PHC2: variants seen among roughly 807,000 people sequenced by gnomAD.
PHC2 encodes polyhomeotic homolog 2.
A neutral mutation model predicts 87.4 loss-of-function variants in PHC2; 29 were observed. The observed-to-expected ratio is 0.33, with a 90% CI of 0.25 to 0.45. The LOEUF (loss-of-function observed/expected upper bound fraction) is 0.45, where lower values mean the gene tolerates loss of function less well. PHC2 is among the 20% of genes least tolerant of loss of function. The pLI is 1.00. For synonymous variants in PHC2, 438 were observed against 461.7 expected (o/e 0.95, Z 0.66); for missense variants, 857 against 1,136.7 (o/e 0.75, Z 3.54).
chr1:33,347,031 T>C, intron 9 of PHC2: 3 of 985,328 alleles, frequency 3.0e-6, no homozygotes, highest in Non-Finnish European at 3.6e-6. Context: ...TAACATGCCC[T>C]CTCCCCCTGA....
intron 1 of PHC2, among the ~76,000 whole-genome samples, chr1:33,375,864 G>C (rs1213165640): frequency 1.3e-5 from 2 of 152,186 alleles, no homozygotes; most frequent in African/African-American, 2.4e-5. Context: ...GTATATAGGA[G>C]GATGTGGGTC....
Position 33,331,806 on chromosome 1 carries a change from C to A in PHC2, c.1892-344G>T, listed in dbSNP as rs1220414497. The A allele has an allele frequency of 2.7e-5, 8 of 295,500 alleles. No homozygotes were observed. The highest frequency in any genetic ancestry group is 5.1e-5 in the Non-Finnish European group (8 of 157,356). 18.3% of individuals were successfully genotyped at this position (295,500 alleles called of 1,614,324 possible). A position where few individuals can be genotyped will look rare whatever the true frequency, so the allele number is the denominator to read the frequency against. On this transcript the variant is annotated intron_variant, in intron 11 of 14. Transcript: ENST00000683057. This position sits in a 1 kb window ranked among gnomAD's most constrained non-coding sequence, Gnocchi z 5.2. ...GCTGTCACAGCTGCTCCGCTGGCAT[C>A]ATCACACCTTGATCTATGCAGCTGG...
At chr1:33,354,309 C>A in intron 9 of PHC2, 92 bp downstream of exon 9, 1 of 1,220,014 alleles carries the variant, frequency 8.2e-7, no homozygotes, top group South Asian at 1.4e-5. Context: ...ATAGTTTACC[C>A]TCCCATTCCA....
intron 9 of PHC2, among the ~76,000 whole-genome samples, chr1:33,352,542 A>G (rs1193525447): frequency 2.6e-5 from 4 of 152,236 alleles, no homozygotes; most frequent in Non-Finnish European, 5.9e-5. Flanking sequence ...GCTAGGCTGG[A>G]ACTATGGGCT....
At chr1:33,430,882 C>CA (rs1004391973) in intron 1 of PHC2, 94 bp downstream of exon 1, 3 of 150,500 alleles carry the variant, frequency 2.0e-5, no homozygotes, top group Non-Finnish European at 4.4e-5. Flanking sequence ...GCTGGGTGCC[C>CA]AAAGGGTTAA....
At chr1:33,345,930 T>C (rs1316248978) in intron 9 of PHC2, 2 of 985,004 alleles carry the variant, frequency 2.0e-6, no homozygotes, top group Non-Finnish European at 2.4e-6. Flanking sequence ...CTACCTCTGT[T>C]TGAGTTGTGA....
Position 33,332,408 on chromosome 1 carries a change from G to C in PHC2, c.1762-4C>G, listed in dbSNP as rs768041909. On this transcript the variant is annotated splice_polypyrimidine_tract_variant and splice_region_variant and intron_variant, in intron 10 of 14. Transcript: ENST00000683057. The surrounding 1 kb of genome is among the most constrained non-coding windows in gnomAD (Gnocchi z 4.2). ...CCAGCAGGGACGAGCGTCCCACCTA[G>C]AGGACAGGTAACACGGAGGCCGTGA... 1 of 1,614,136 alleles carries C rather than the reference G, an allele frequency of 6.2e-7. No homozygotes were observed. Among genetic ancestry groups the C allele is most frequent in the African/African-American group, 1.3e-5 (1 of 75,044 alleles).
At chr1:33,407,312 G>C (rs1360975476) in intron 1 of PHC2, among the ~76,000 whole-genome samples, 1 of 152,106 alleles carries the variant, frequency 6.6e-6, no homozygotes, top group Non-Finnish European at 1.5e-5. Context: ...CTGTGAAAGT[G>C]TTATCTTTGA....
chr1:33,390,459 C>CA (rs1313129458), intron 1 of PHC2, among the ~76,000 whole-genome samples: 2 of 152,164 alleles, frequency 1.3e-5, no homozygotes, highest in African/African-American at 4.8e-5. Context: ...ATGGATAGGA[C>CA]AGCCACAAAG....
chr1:33,380,703 G>A (rs555781877), intron 1 of PHC2, among the ~76,000 whole-genome samples: 5 of 152,162 alleles, frequency 3.3e-5, no homozygotes, highest in Non-Finnish European at 7.3e-5. Context: ...AAATCTCTGG[G>A]TCATATGTTA....
intron 7 of PHC2, among the ~76,000 whole-genome samples, chr1:33,356,859 C>A (rs1647098314): frequency 6.6e-6 from 1 of 152,160 alleles, no homozygotes; most frequent in Admixed American, 6.5e-5. Context: ...ACTTCCCAGA[C>A]AGGGCGGCCA....
chr1:33,334,056 T>C lies in PHC2; in HGVS notation c.1761+34A>G. The C allele has an allele frequency of 6.4e-7, 1 of 1,550,914 alleles. No homozygotes were observed. The highest frequency in any genetic ancestry group is 8.8e-7 in the Non-Finnish European group (1 of 1,141,624). On this transcript the variant is annotated intron_variant, in intron 10 of 14. Coordinates refer to ENST00000683057, the MANE Select transcript of PHC2 (RefSeq NM_001385109.1). The surrounding 1 kb of genome is among the most constrained non-coding windows in gnomAD (Gnocchi z 5.5). ...ATTCTAAGACACATCCAAAATATAC[T>C]TAAAAAAAAAAGGGGAAAAGAAGTA...
Position 33,328,987 on chromosome 1 carries a change from G to C in PHC2, c.2308C>G (p.Leu770Val), listed in dbSNP as rs762240475. 1 of 1,614,128 alleles carries C rather than the reference G, an allele frequency of 6.2e-7. No homozygotes were observed. ...TSRRRQGQRDLELPDMHMRDL... is the reference protein window; with the variant it reads ...TSRRRQGQRDVELPDMHMRDL... ...CGCATATGCATGTCGGGGAGCTCCA[G>C]GTCCCGCTGGCCTTGTCGCCGGCGG... The change falls in exon 14 of 15, where the codon CTG becomes GTG. Residue 770 changes from leucine (L) to valine (V), a missense_variant. By Grantham distance (32) the Leu-to-Val change is conservative. This residue lies in a region of PHC2 where 832 missense variants were observed against 1,081.8 expected (regional missense o/e 0.77). Transcript: ENST00000683057.
At chr1:33,379,821 CCTT>C (rs1214315474) in intron 1 of PHC2, among the ~76,000 whole-genome samples, 9 of 147,254 alleles carry the variant, frequency 6.1e-5, no homozygotes, top group South Asian at 2.2e-4. Context: ...CCCTACTCGA[CCTT>C]CTTGCTGCCT....
chr1:33,331,970 G>A lies in PHC2; in HGVS notation c.1891+305C>T, dbSNP rs1646508554. ...GCCCCAGTCTCAAGGCAGGGACGAA[G>A]GGCAGGACTTGCCTGGGGCCACTCC... On this transcript the variant is annotated intron_variant, in intron 11 of 14. Coordinates refer to ENST00000683057, the MANE Select transcript of PHC2 (RefSeq NM_001385109.1). This position sits in a 1 kb window ranked among gnomAD's most constrained non-coding sequence, Gnocchi z 5.2. 6.6e-6 allele frequency among the ~76,000 whole-genome samples: 1 copy of A among 152,208 alleles called. No individual in the cohort carries two copies. Among genetic ancestry groups the A allele is most frequent in the Non-Finnish European group, 1.5e-5 (1 of 68,038 alleles).
At chr1:33,357,720 T>C (rs926654342) in intron 7 of PHC2, among the ~76,000 whole-genome samples, 1 of 152,204 alleles carries the variant, frequency 6.6e-6, no homozygotes. Flanking sequence ...TCAGGCACTT[T>C]TGAGAAGACT....
chr1:33,383,452 ATAAATT>A (rs1195303075), intron 1 of PHC2, among the ~76,000 whole-genome samples: 1 of 152,272 alleles, frequency 6.6e-6, no homozygotes, highest in East Asian at 1.9e-4. Context: ...GCAAAACACT[ATAAATT>A]TAAATGAGTA....
chr1:33,324,794 C>G lies in PHC2; in HGVS notation c.*71G>C, dbSNP rs1430229905. 2.7e-6 allele frequency: 4 copies of G among 1,506,204 alleles called. No homozygotes were observed. The African/African-American group carries it at 5.5e-5, about 21-fold the overall frequency. The allele number at this position is 1,506,204 out of a possible 1,614,324, so 93.3% of individuals were successfully genotyped here. A position where few individuals can be genotyped will look rare whatever the true frequency, so the allele number is the denominator to read the frequency against. On this transcript the variant is annotated 3_prime_UTR_variant, in exon 15 of 15. Coordinates refer to ENST00000683057, the MANE Select transcript of PHC2 (RefSeq NM_001385109.1). Reference sequence around the variant, plus strand: ...CAACCGGCCCCATTTCTGGGCCCCTCAGGAATGTCTGTCTGGCTCTGCTCA... The same window carrying G: ...CAACCGGCCCCATTTCTGGGCCCCTGAGGAATGTCTGTCTGGCTCTGCTCA...
At position 33,349,946 on chromosome 1, in the gene PHC2, CGAGGGAGCGGGGCGGG is replaced by C; in HGVS notation, c.1558+4439_1558+4454del. ...GCGGCCGCCTCCGCCGGGGGCGGGG[CGAGGGAGCGGGGCGGG>C]GAGGGGCGGGGCCGCGGGAGGGGCG... On this transcript the variant is annotated intron_variant, in intron 9 of 14. Transcript: ENST00000683057. This position sits in a 1 kb window ranked among gnomAD's most constrained non-coding sequence, Gnocchi z 4.2. 1 of 360,606 alleles carries C rather than the reference CGAGGGAGCGGGGCGGG, an allele frequency of 2.8e-6. No homozygotes were observed. Among genetic ancestry groups the C allele is most frequent in the African/African-American group, 2.6e-5 (1 of 38,572 alleles). 22.3% of individuals were successfully genotyped at this position (360,606 alleles called of 1,614,324 possible).
Sources: gnomAD v4.1 joint callset for allele counts (sites outside exome capture counted in the v4.1 genomes callset) on GRCh38, gnomAD v4.1.1 for gene constraint, gnomAD v4.1.1 regional missense constraint, Gnocchi (gnomAD v3.1) non-coding constraint, MANE v1.5 for transcripts, NCBI Gene and HGNC (gene_info 2026-07-23, HGNC 2026-07-21) for gene names.